TXNL1: variants seen among roughly 807,000 people sequenced by gnomAD.
TXNL1 encodes thioredoxin-like protein 1.
Under a neutral mutation model 35.5 loss-of-function variants are expected in TXNL1, and 14 were observed. The observed-to-expected ratio is 0.39, with a 90% CI of 0.26 to 0.62. The LOEUF (loss-of-function observed/expected upper bound fraction) is 0.62. Among genes scored for constraint, TXNL1 ranks in the 20% least tolerant of loss-of-function variants. The pLI is 0.47. For missense variants in TXNL1, 263 were observed against 349.7 expected, an observed-to-expected ratio of 0.75 and a Z score of 1.98; for synonymous variants, 110 against 115.5, an observed-to-expected ratio of 0.95 and a Z score of 0.31.
At position 56,598,746 on chromosome 18, in the gene TXNL1, CCAGATA is replaced by C. The variant is rs1174624060; in HGVS notation, c.*4275_*4280del. On this transcript the variant is annotated 3_prime_UTR_variant, in exon 8 of 8. Transcript: ENST00000217515. Reference sequence around the variant, plus strand: ...GATACAGAAGATACTTATCCTTGTTCCAGATACAAAGTAAGGCGCATCTTCAGAACA... The same window carrying C: ...GATACAGAAGATACTTATCCTTGTTCCAAAGTAAGGCGCATCTTCAGAACA... The C allele has an allele frequency of 6.6e-6, 1 of 152,064 alleles. No homozygotes were observed. Among genetic ancestry groups the C allele is most frequent in the African/African-American group, 2.4e-5 (1 of 41,400 alleles). 9.4% of individuals were successfully genotyped at this position (152,064 alleles called of 1,614,324 possible). A position where few individuals can be genotyped will look rare whatever the true frequency, so the allele number is the denominator to read the frequency against.
At chr18:56,624,061 T>A (rs1401895387) in intron 3 of TXNL1, among the ~76,000 whole-genome samples, 2 of 152,052 alleles carry the variant, frequency 1.3e-5, no homozygotes, top group East Asian at 3.9e-4. Context: ...CAAAGAAAAT[T>A]AGGAGAAATT....
intron 1 of TXNL1, among the ~76,000 whole-genome samples, chr18:56,627,068 C>G (rs1013444054): frequency 6.6e-6 from 1 of 151,598 alleles, no homozygotes; most frequent in Non-Finnish European, 1.5e-5. Context: ...CTGCCTTGGG[C>G]CTCCCAAAGT....
intron 7 of TXNL1, chr18:56,609,780 GCTT>G (rs1568099533): frequency 6.6e-6 from 1 of 152,132 alleles, no homozygotes; most frequent in Non-Finnish European, 1.5e-5. Context: ...CTTAATCTCT[GCTT>G]CTTCTGACCT....
chr18:56,631,782 T>C (rs767641471), intron 1 of TXNL1, among the ~76,000 whole-genome samples: 8 of 152,100 alleles, frequency 5.3e-5, no homozygotes, highest in Non-Finnish European at 8.8e-5. Context: ...TAGCTGGGCC[T>C]AGTAACGCAT....
At chr18:56,605,418 T>C (rs956108860) in intron 7 of TXNL1, 2 of 152,224 alleles carry the variant, frequency 1.3e-5, no homozygotes, top group Non-Finnish European at 2.9e-5. Flanking sequence ...GTTACAAAAA[T>C]AGCTGATACG....
intron 7 of TXNL1, among the ~76,000 whole-genome samples, chr18:56,606,486 G>A (rs1280245305): frequency 6.6e-6 from 1 of 152,180 alleles, no homozygotes; most frequent in Non-Finnish European, 1.5e-5. Flanking sequence ...TTGAACGATT[G>A]AATCCTCCAC....
rs1319311483 is a variant in TXNL1, at chr18:56,601,193, ATAATAG to A, written c.*1828_*1833del. ...TTTTAAATGCCAATTATGCACATTT[ATAATAG>A]TAAGATTTCCCATTAAGTGAAACGT... On this transcript the variant is annotated 3_prime_UTR_variant, in exon 8 of 8. Coordinates refer to ENST00000217515, the MANE Select transcript of TXNL1 (RefSeq NM_004786.3). The A allele has an allele frequency of 6.6e-6, 1 of 152,222 alleles. No homozygotes were observed. The highest frequency in any genetic ancestry group is 2.4e-5 in the African/African-American group (1 of 41,462). The allele number at this position is 152,222 out of a possible 1,614,324, so 9.4% of individuals were successfully genotyped here. A position where few individuals can be genotyped will look rare whatever the true frequency, so the allele number is the denominator to read the frequency against.
In TXNL1 at chr18:56,602,671, ACTT is replaced by A. The variant is rs146175827; in HGVS notation, c.*353_*355del. On this transcript the variant is annotated 3_prime_UTR_variant, in exon 8 of 8. Coordinates refer to ENST00000217515, the MANE Select transcript of TXNL1 (RefSeq NM_004786.3). ...ACTTGCCATGAATGTGTACACATGT[ACTT>A]CTTAATTCCCTAGAACAGTTTCTCC... 3.4e-3 allele frequency: 1,019 copies of A among 296,684 alleles called. 16 individuals carry two copies. The East Asian group carries it at 0.035, about 10-fold the overall frequency. The allele number at this position is 296,684 out of a possible 1,614,324, so 18.4% of individuals were successfully genotyped here. A position where few individuals can be genotyped will look rare whatever the true frequency, so the allele number is the denominator to read the frequency against.
chr18:56,616,715 G>A (rs1212188352), intron 4 of TXNL1, among the ~76,000 whole-genome samples: 1 of 152,122 alleles, frequency 6.6e-6, no homozygotes, highest in African/African-American at 2.4e-5. Context: ...ATCACTTGAC[G>A]ATTTAGAGGC....
chr18:56,606,251 C>T (rs905174646), intron 7 of TXNL1, among the ~76,000 whole-genome samples: 5 of 152,042 alleles, frequency 3.3e-5, no homozygotes, highest in Non-Finnish European at 7.4e-5. Flanking sequence ...GCGGCGGGCA[C>T]CTGTAGTCCC....
rs1452958028 is a variant in TXNL1, at chr18:56,618,138, T to C, written c.370-12A>G. The C allele has an allele frequency of 1.2e-6, 2 of 1,610,650 alleles. No individual in the cohort carries two copies. Among genetic ancestry groups the C allele is most frequent in the African/African-American group, 1.3e-5 (1 of 75,000 alleles). ...GGCATTAAATCCATCTGAAAAAAAA[T>C]TGCAAGATTTTAGGCAACATATTTG... On this transcript the variant is annotated splice_polypyrimidine_tract_variant and intron_variant, in intron 3 of 7. Coordinates refer to ENST00000217515, the MANE Select transcript of TXNL1 (RefSeq NM_004786.3).
In TXNL1 at chr18:56,616,182, A is replaced by C; in HGVS notation, c.562+63T>G. 6 of 1,435,832 alleles carry C rather than the reference A, an allele frequency of 4.2e-6. No homozygotes were observed. The African/African-American group carries it at 5.8e-5, about 14-fold the overall frequency. 88.9% of individuals were successfully genotyped at this position (1,435,832 alleles called of 1,614,324 possible). ...GTACCTCTATTTAATAAAAAGTTTTAATTTTATGCTAACAGTTCTACAAAG... is the reference window on the plus strand; with the variant it reads ...GTACCTCTATTTAATAAAAAGTTTTCATTTTATGCTAACAGTTCTACAAAG... On this transcript the variant is annotated intron_variant, in intron 5 of 7. Transcript: ENST00000217515.
At chr18:56,633,036 A>G (rs958987101) in intron 1 of TXNL1, among the ~76,000 whole-genome samples, 3 of 152,218 alleles carry the variant, frequency 2.0e-5, no homozygotes, top group African/African-American at 7.2e-5. Flanking sequence ...CCTAATATAC[A>G]CTGACATCCT....
chr18:56,628,730 G>T (rs2024325131), intron 1 of TXNL1, among the ~76,000 whole-genome samples: 1 of 152,186 alleles, frequency 6.6e-6, no homozygotes, highest in African/African-American at 2.4e-5. Flanking sequence ...TTAAATAGGT[G>T]TGTTCAGTTT....
intron 6 of TXNL1, 71 bp downstream of exon 6, chr18:56,614,353 T>C (rs2144296557): frequency 1.5e-6 from 2 of 1,364,608 alleles, no homozygotes; most frequent in East Asian, 2.3e-5. Context: ...CACTTAGACT[T>C]ACCTAGGATA....
intron 1 of TXNL1, 70 bp downstream of exon 1, chr18:56,638,273 G>T: frequency 6.8e-7 from 1 of 1,472,894 alleles, no homozygotes. Context: ...AGGAAACCAG[G>T]GCCAACAAAG....
At chr18:56,638,041 T>C (rs994328606) in intron 1 of TXNL1, among the ~76,000 whole-genome samples, 4 of 151,988 alleles carry the variant, frequency 2.6e-5, no homozygotes, top group Non-Finnish European at 4.4e-5. Flanking sequence ...TCCCACAGGC[T>C]GGAAGGAATA....
chr18:56,616,707 C>T (rs10513897), intron 4 of TXNL1, among the ~76,000 whole-genome samples: 10,079 of 152,226 alleles, frequency 0.066, 522 homozygotes, highest in East Asian at 0.23. Context: ...CTATCCACAT[C>T]ACTTGACGAT....
intron 1 of TXNL1, among the ~76,000 whole-genome samples, chr18:56,635,423 T>C (rs2024441487): frequency 1.3e-5 from 2 of 152,218 alleles, no homozygotes; most frequent in Non-Finnish European, 2.9e-5. Context: ...GATTATGTTA[T>C]GCAGTTATAA....
Sources: allele counts gnomAD v4.1 joint callset (sites outside exome capture counted in the v4.1 genomes callset), GRCh38; gene constraint gnomAD v4.1.1; transcripts MANE v1.5; gene names NCBI Gene and HGNC (gene_info 2026-07-23, HGNC 2026-07-21).